Variants in GEMIN5 observed in about 807,000 individuals in gnomAD.
GEMIN5 encodes gem-associated protein 5.
Under a neutral mutation model 176.9 loss-of-function variants are expected in GEMIN5, and 124 were observed. The observed-to-expected ratio is 0.70, with a 90% confidence interval of 0.61 to 0.81. The LOEUF (loss-of-function observed/expected upper bound fraction) is 0.81. Ranked by LOEUF, GEMIN5 falls within the 40% of genes least tolerant of loss-of-function variation. The pLI, the probability that GEMIN5 is intolerant of heterozygous loss-of-function variation, is 0.00. For missense variants in GEMIN5, 1,843 were observed against 1,814.6 expected (o/e 1.02, Z -0.28); for synonymous variants, 673 against 665.2 (o/e 1.01, Z -0.18).
intron 15 of GEMIN5, among the ~76,000 whole-genome samples, chr5:154,909,364 T>C (rs559064598): frequency 6.6e-6 from 1 of 152,158 alleles, no homozygotes; most frequent in East Asian, 1.9e-4. Flanking sequence ...GAAGAGCTTG[T>C]GCTTCTCCCC....
At chr5:154,926,575 A>G (rs1453604957) in intron 7 of GEMIN5, among the ~76,000 whole-genome samples, 1 of 152,230 alleles carries the variant, frequency 6.6e-6, no homozygotes, top group African/African-American at 2.4e-5. Context: ...TTAACTGCAA[A>G]ACAGTAAGGT....
chr5:154,931,631 T>TA (rs1474505818), intron 4 of GEMIN5, 54 bp from the exon 5 acceptor site: 81 of 1,462,498 alleles, frequency 5.5e-5, no homozygotes, highest in Non-Finnish European at 7.5e-5. Context: ...CGCACTAATA[T>TA]AAAAAAATTA....
Position 154,920,114 on chromosome 5 carries a change from TAAGAA to T in GEMIN5, c.1463-16_1463-12del, listed in dbSNP as rs1450449769. 3.7e-6 allele frequency: 6 copies of T among 1,604,550 alleles called. No homozygotes were observed. Among genetic ancestry groups the T allele is most frequent in the African/African-American group, 1.3e-5 (1 of 74,478 alleles). ...TGTCTCCTTCTCCTCCTGTATGAAA[TAAGAA>T]AAGAAACTTATCAGTTTTGTACTTC... is the stretch of plus-strand genomic sequence containing the variant. On this transcript the variant is annotated splice_polypyrimidine_tract_variant and intron_variant, in intron 10 of 27. Transcript: ENST00000285873.
chr5:154,910,987 C>T (rs762596747), intron 15 of GEMIN5, among the ~76,000 whole-genome samples: 8 of 152,100 alleles, frequency 5.3e-5, no homozygotes, highest in South Asian at 2.1e-4. Flanking sequence ...TGTGAGCCAT[C>T]GCACCTGGCC....
At position 154,912,889 on chromosome 5, in the gene GEMIN5, A is replaced by G; in HGVS notation, c.1995+10T>C. The G allele has an allele frequency of 6.2e-7, 1 of 1,610,412 alleles. No homozygotes were observed. The highest frequency in any genetic ancestry group is 8.5e-7 in the Non-Finnish European group (1 of 1,177,958). On this transcript the variant is annotated intron_variant, in intron 14 of 27. Transcript: ENST00000285873. ...GTGAAGGACCCACAGGGACAAGGACACAATAGTACCTGGGCTGTACCATCA... is the reference window on the plus strand; with the variant it reads ...GTGAAGGACCCACAGGGACAAGGACGCAATAGTACCTGGGCTGTACCATCA...
Position 154,888,222 on chromosome 5 carries a change from G to C in GEMIN5, c.4515C>G (p.Thr1505=), listed in dbSNP as rs781679783. ...GGTGTGTGAAAATTCACATACAGAA[G>C]GTCTGGCAGTGTCTTCTGTAAGTTT... ...NTKTYRRHCQ[T]FCM The change falls in exon 28 of 28, where the codon ACC becomes ACG. Residue 1505 remains threonine (T), a synonymous_variant. Coordinates refer to ENST00000285873, the MANE Select transcript of GEMIN5 (RefSeq NM_015465.5). 6.2e-7 allele frequency: 1 copy of C among 1,614,104 alleles called. No homozygotes were observed. The highest frequency in any genetic ancestry group is 1.1e-5 in the South Asian group (1 of 91,078).
intron 24 of GEMIN5, among the ~76,000 whole-genome samples, chr5:154,895,219 A>G (rs958182887): frequency 1.1e-4 from 16 of 151,240 alleles, no homozygotes; most frequent in Non-Finnish European, 2.1e-4. Flanking sequence ...GGAAAGAACT[A>G]CGCCAGGCAC....
intron 11 of GEMIN5, among the ~76,000 whole-genome samples, chr5:154,919,421 G>T (rs1159411889): frequency 2.0e-5 from 3 of 152,190 alleles, no homozygotes; most frequent in Admixed American, 2.0e-4. Context: ...GATAGCATGA[G>T]AACACAAATG....
intron 5 of GEMIN5, 63 bp from the exon 6 acceptor site, chr5:154,928,722 C>T (rs2644743): frequency 0.89 from 1,314,453 of 1,481,236 alleles, 586,901 homozygotes; most frequent in Non-Finnish European, 0.91. Flanking sequence ...ATGAAGTCAC[C>T]GGTGGTTCAT....
chr5:154,901,568 C>T, intron 20 of GEMIN5, 82 bp from the exon 21 acceptor site: 2 of 1,376,512 alleles, frequency 1.5e-6, no homozygotes, highest in Non-Finnish European at 2.0e-6. Context: ...GTTGAAAAAG[C>T]CTTGTTTTCG....
At position 154,911,724 on chromosome 5, in the gene GEMIN5, G is replaced by A. The variant is rs1397283717; in HGVS notation, c.2167+3C>T. ...ATTAGATAAGCTCTAGGTTCTGACTGACCTTGAGGAGGCCGGGAATGATCT... is the reference window on the plus strand; with the variant it reads ...ATTAGATAAGCTCTAGGTTCTGACTAACCTTGAGGAGGCCGGGAATGATCT... On this transcript the variant is annotated splice_donor_region_variant and intron_variant, in intron 15 of 27. Coordinates refer to ENST00000285873, the MANE Select transcript of GEMIN5 (RefSeq NM_015465.5). 4 of 1,610,214 alleles carry A rather than the reference G, an allele frequency of 2.5e-6. No homozygotes were observed. The South Asian group carries it at 4.4e-5, about 18-fold the overall frequency.
intron 6 of GEMIN5, 143 bp from the exon 7 acceptor site, chr5:154,927,693 C>T (rs1582674216): frequency 3.4e-6 from 2 of 586,204 alleles, no homozygotes; most frequent in East Asian, 5.6e-5. Flanking sequence ...AAAATATGCA[C>T]AAAATATCTC....
Position 154,928,633 on chromosome 5 carries a change from G to T in GEMIN5, c.808C>A (p.Leu270Met). 6.2e-7 allele frequency: 1 copy of T among 1,613,920 alleles called. No individual in the cohort carries two copies. Among genetic ancestry groups the T allele is most frequent in the African/African-American group, 1.3e-5 (1 of 75,020 alleles). The change falls in exon 6 of 28, where the codon CTG becomes ATG. Residue 270 changes from leucine to methionine, a missense_variant. Physicochemically the swap from Leu to Met is conservative, Grantham distance 15. Transcript: ENST00000285873. Reference protein sequence around the residue: ...RGVMILKLPFLKRRGGGIDPT... With the variant: ...RGVMILKLPFMKRRGGGIDPT... ...TCTATACCCCCTCCTCTTCTCTTCA[G>T]AAAGGGCAATTTCAAAATCATCACC...
At chr5:154,919,226 G>T (rs750595828) in intron 11 of GEMIN5, among the ~76,000 whole-genome samples, 3 of 152,082 alleles carry the variant, frequency 2.0e-5, no homozygotes, top group Non-Finnish European at 4.4e-5. Context: ...AGATACTTGG[G>T]AGGCTGAGGC....
chr5:154,887,671 T>G lies in GEMIN5; in HGVS notation c.*539A>C, dbSNP rs1016583228. The stretch of plus-strand genomic sequence containing the variant: ...TAAAATTCTGACAGGAGAGTCAACA[T>G]GATGGTTAAGGCCTATTTCATATTC... On this transcript the variant is annotated 3_prime_UTR_variant, in exon 28 of 28. Coordinates refer to ENST00000285873, the MANE Select transcript of GEMIN5 (RefSeq NM_015465.5). The G allele has an allele frequency of 6.6e-6, 1 of 152,244 alleles. No homozygotes were observed. The highest frequency in any genetic ancestry group is 2.4e-5 in the African/African-American group (1 of 41,454). 9.4% of individuals were successfully genotyped at this position (152,244 alleles called of 1,614,324 possible).
chr5:154,903,497 C>T (rs1488020215), intron 18 of GEMIN5, among the ~76,000 whole-genome samples: 1 of 152,004 alleles, frequency 6.6e-6, no homozygotes, highest in Non-Finnish European at 1.5e-5. Context: ...AAAAAAAAGT[C>T]AACTGAGTAA....
At chr5:154,925,640 A>G (rs1003166867) in intron 8 of GEMIN5, among the ~76,000 whole-genome samples, 38 of 152,144 alleles carry the variant, frequency 2.5e-4, no homozygotes, top group African/African-American at 9.2e-4. Flanking sequence ...CTAACTTCTT[A>G]CTATTAGAAA....
At chr5:154,920,237 G>T in intron 10 of GEMIN5, 134 bp from the exon 11 acceptor site, 1 of 569,590 alleles carries the variant, frequency 1.8e-6, no homozygotes, top group Non-Finnish European at 2.8e-6. Context: ...TAATACATTG[G>T]AATAAAATCA....
chr5:154,928,421 C>A, intron 6 of GEMIN5, 106 bp downstream of exon 6: 1 of 938,798 alleles, frequency 1.1e-6, no homozygotes, highest in Non-Finnish European at 1.7e-6. Flanking sequence ...TTCAAATGGC[C>A]CATCATAATA....
Sources: gnomAD v4.1 joint callset for allele counts (sites outside exome capture counted in the v4.1 genomes callset) on GRCh38, gnomAD v4.1.1 for gene constraint, MANE v1.5 for transcripts, NCBI Gene and HGNC (gene_info 2026-07-23, HGNC 2026-07-21) for gene names.